Variants in SLC44A3 observed in about 807,000 individuals in gnomAD.
The protein encoded by SLC44A3 is solute carrier family 44 member 3.
A neutral mutation model predicts 75.4 loss-of-function variants in SLC44A3; 74 were observed. The observed-to-expected ratio is 0.98, with a 90% CI of 0.81 to 1.19. The LOEUF (loss-of-function observed/expected upper bound fraction) is 1.19. Ranked by LOEUF, SLC44A3 falls within the 50% of genes most tolerant of loss-of-function variation. SLC44A3 has a pLI of 0.00. For synonymous variants in SLC44A3, 310 were observed against 296.9 expected (o/e 1.04, Z -0.45); for missense variants, 700 against 778.6 (o/e 0.90, Z 1.20).
chr1:94,888,534 C>A (rs900332579), intron 12 of SLC44A3: 1 of 288,890 alleles, frequency 3.5e-6, no homozygotes, highest in Non-Finnish European at 5.2e-6. Flanking sequence ...AAGACTCAGG[C>A]CCCCAAACTG....
chr1:94,840,533 G>T (rs1041563322), intron 7 of SLC44A3, among the ~76,000 whole-genome samples: 3 of 151,756 alleles, frequency 2.0e-5, no homozygotes, highest in Non-Finnish European at 4.4e-5. Flanking sequence ...CAAGCGATCC[G>T]CCCACCTTGG....
chr1:94,863,681 A>T (rs1168806434), intron 10 of SLC44A3, among the ~76,000 whole-genome samples: 2 of 152,208 alleles, frequency 1.3e-5, no homozygotes, highest in Non-Finnish European at 2.9e-5. Flanking sequence ...ACTGTGTTGA[A>T]ACACACATCC....
chr1:94,848,025 G>A (rs1037029768), intron 9 of SLC44A3, among the ~76,000 whole-genome samples: 7 of 152,130 alleles, frequency 4.6e-5, no homozygotes, highest in East Asian at 1.9e-4. Context: ...TCATGAGATC[G>A]AGACCATCCT....
At chr1:94,826,540 A>G (rs564137953) in intron 3 of SLC44A3, among the ~76,000 whole-genome samples, 1 of 151,962 alleles carries the variant, frequency 6.6e-6, no homozygotes, top group East Asian at 1.9e-4. Flanking sequence ...AGTCCCAGCT[A>G]CTCAGGAGGC....
rs763371251 is a variant in SLC44A3, at chr1:94,824,533, G to T, written c.176G>T (p.Gly59Val). Residue 59 changes from glycine (G) to valine (V), a missense_variant, in exon 3 of 15, where the codon GGA (glycine) becomes GTA (valine). Physicochemically the swap from Gly to Val is moderately radical, Grantham distance 109 (BLOSUM62 -3). Coordinates refer to ENST00000271227, the MANE Select transcript of SLC44A3 (RefSeq NM_001114106.3). ...MGYSVVAGAA[G>V]RLLFGYDSFG... ...TACTCGGTGGTGGCTGGAGCCGCGG[G>T]AAGACTCCTCTTTGGCTATGACAGC... The T allele has an allele frequency of 6.2e-7, 1 of 1,611,378 alleles. No homozygotes were observed. The highest frequency in any genetic ancestry group is 8.5e-7 in the Non-Finnish European group (1 of 1,179,356).
chr1:94,823,953 G>T (rs1660953185), intron 2 of SLC44A3, among the ~76,000 whole-genome samples: 1 of 152,150 alleles, frequency 6.6e-6, no homozygotes, highest in Non-Finnish European at 1.5e-5. Context: ...GAATTCCTGT[G>T]GTCCTTTATT....
intron 2 of SLC44A3, among the ~76,000 whole-genome samples, chr1:94,822,865 C>T (rs938532123): frequency 6.6e-6 from 1 of 152,016 alleles, no homozygotes; most frequent in African/African-American, 2.4e-5. Context: ...CATATAGAAT[C>T]GCAATTGCAT....
At chr1:94,834,991 G>A (rs556064540) in intron 5 of SLC44A3, among the ~76,000 whole-genome samples, 9 of 152,336 alleles carry the variant, frequency 5.9e-5, no homozygotes, top group Admixed American at 5.2e-4. Context: ...AGGATTCTAT[G>A]AGAAAGGCAC....
At chr1:94,889,592 T>G (rs1669981078) in intron 12 of SLC44A3, among the ~76,000 whole-genome samples, 1 of 151,956 alleles carries the variant, frequency 6.6e-6, no homozygotes, top group South Asian at 2.1e-4. Context: ...TTTCTGAGAA[T>G]TTATGCTTAA....
chr1:94,866,181 T>G (rs1448509958), intron 11 of SLC44A3, among the ~76,000 whole-genome samples: 6 of 152,182 alleles, frequency 3.9e-5, no homozygotes, highest in African/African-American at 1.4e-4. Flanking sequence ...TTAAATCTAT[T>G]TGTGATATGT....
At chr1:94,875,729 A>T (rs1668208847) in intron 12 of SLC44A3, among the ~76,000 whole-genome samples, 1 of 152,194 alleles carries the variant, frequency 6.6e-6, no homozygotes, top group Non-Finnish European at 1.5e-5. Flanking sequence ...GGCAACTGGG[A>T]CTGTTTCCAA....
chr1:94,857,916 C>T (rs982281715), intron 10 of SLC44A3, among the ~76,000 whole-genome samples: 4 of 148,640 alleles, frequency 2.7e-5, no homozygotes, highest in South Asian at 2.1e-4. Flanking sequence ...TGGGTTCGAG[C>T]GATTCTTCTG....
chr1:94,892,096 C>T (rs577591306), intron 13 of SLC44A3, among the ~76,000 whole-genome samples, 185 bp from the exon 14 acceptor site: 2 of 152,262 alleles, frequency 1.3e-5, no homozygotes, highest in South Asian at 4.2e-4. Flanking sequence ...AACTGGGTTT[C>T]CTTTTGATAC....
chr1:94,873,608 T>C (rs1359758145), intron 12 of SLC44A3, among the ~76,000 whole-genome samples: 1 of 152,206 alleles, frequency 6.6e-6, no homozygotes, highest in African/African-American at 2.4e-5. Flanking sequence ...AACTTTGTAG[T>C]ATCTCCAAAC....
intron 5 of SLC44A3, among the ~76,000 whole-genome samples, chr1:94,833,911 A>G (rs1203162466): frequency 1.3e-5 from 2 of 151,784 alleles, no homozygotes; most frequent in Non-Finnish European, 2.9e-5. Context: ...GACAAATTAA[A>G]TGACTAATAA....
At chr1:94,839,071 C>G (rs561865654) in intron 6 of SLC44A3, 1 of 152,342 alleles carries the variant, frequency 6.6e-6, no homozygotes, top group African/African-American at 2.4e-5. Context: ...AACTAAGACT[C>G]AAACCCAGAT....
At chr1:94,873,977 C>T (rs906368570) in intron 12 of SLC44A3, among the ~76,000 whole-genome samples, 9 of 152,202 alleles carry the variant, frequency 5.9e-5, no homozygotes, top group African/African-American at 1.9e-4. Context: ...GAATCCTCCA[C>T]CCCTGCTGAC....
At chr1:94,829,419 A>G (rs1661822348) in intron 5 of SLC44A3, among the ~76,000 whole-genome samples, 1 of 152,246 alleles carries the variant, frequency 6.6e-6, no homozygotes, top group Non-Finnish European at 1.5e-5. Flanking sequence ...CTTAATGAAA[A>G]CAGAAAGCAC....
rs1472676560 is a variant in SLC44A3, at chr1:94,864,758, TC to T, written c.1256del (p.Pro419LeufsTer21). 1 of 1,613,412 alleles carries T rather than the reference TC, an allele frequency of 6.2e-7. No homozygotes were observed. Among genetic ancestry groups the T allele is most frequent in the Non-Finnish European group, 8.5e-7 (1 of 1,179,692 alleles). ...CTATTTCCAGAAGTAAAAATGATCCTCCTGATCATCCCATCCTTTCGTCTCT... is the reference window on the plus strand; with the variant it reads ...CTATTTCCAGAAGTAAAAATGATCCTCTGATCATCCCATCCTTTCGTCTCT... ...CYFNRSKNDP[P>X]DHPILSSLSI... On this transcript the variant is annotated frameshift_variant, in exon 11 of 15. Coordinates refer to ENST00000271227, the MANE Select transcript of SLC44A3 (RefSeq NM_001114106.3). LOFTEE classifies it high-confidence loss of function.
Sources: gnomAD v4.1 joint callset for allele counts (sites outside exome capture counted in the v4.1 genomes callset) on GRCh38, gnomAD v4.1.1 for gene constraint, MANE v1.5 for transcripts, NCBI Gene and HGNC (gene_info 2026-07-23, HGNC 2026-07-21) for gene names.